Variants in GRIA4 observed in about 807,000 individuals in gnomAD.
GRIA4 encodes glutamate ionotropic receptor AMPA type subunit 4, also known as glutamate receptor 4.
Under a neutral mutation model 104.0 loss-of-function variants are expected in GRIA4, and 34 were observed. The observed-to-expected ratio is 0.33, with a 90% confidence interval of 0.25 to 0.44. The LOEUF (loss-of-function observed/expected upper bound fraction) is 0.44. GRIA4 is among the 20% of genes least tolerant of loss of function. GRIA4 has a pLI of 1.00. For synonymous variants in GRIA4, 386 were observed against 381.9 expected (o/e 1.01, Z -0.13); for missense variants, 750 against 1,096.5 (o/e 0.68, Z 4.46).
intron 3 of GRIA4, among the ~76,000 whole-genome samples, chr11:105,730,821 C>A (rs1938537744): frequency 6.6e-6 from 1 of 152,138 alleles, no homozygotes; most frequent in South Asian, 2.1e-4. Context: ...AACTGGCTAG[C>A]CATGTGCAGA....
At chr11:105,953,584 T>C (rs1468918465) in intron 14 of GRIA4, among the ~76,000 whole-genome samples, 2 of 152,086 alleles carry the variant, frequency 1.3e-5, no homozygotes, top group African/African-American at 4.8e-5. Flanking sequence ...TATTTTCTTA[T>C]TAGCATGGTT....
intron 3 of GRIA4, among the ~76,000 whole-genome samples, chr11:105,620,148 G>C (rs1950704170): frequency 6.6e-6 from 1 of 151,826 alleles, no homozygotes; most frequent in Non-Finnish European, 1.5e-5. Flanking sequence ...TTACAAATTA[G>C]TAAATCCAAT....
intron 3 of GRIA4, among the ~76,000 whole-genome samples, chr11:105,617,025 C>T (rs188553228): frequency 6.6e-6 from 1 of 150,810 alleles, no homozygotes; most frequent in East Asian, 1.9e-4. Context: ...TTTCATAAAG[C>T]TGTCAAAAAA....
chr11:105,894,650 G>A (rs576407201), intron 6 of GRIA4, among the ~76,000 whole-genome samples: 1 of 152,206 alleles, frequency 6.6e-6, no homozygotes, highest in East Asian at 1.9e-4. Flanking sequence ...GAAAAAGGAG[G>A]AGGAGGAGGA....
At chr11:105,723,746 T>A (rs911397964) in intron 3 of GRIA4, among the ~76,000 whole-genome samples, 1 of 152,088 alleles carries the variant, frequency 6.6e-6, no homozygotes, top group African/African-American at 2.4e-5. Context: ...TAGAAAGTGA[T>A]GAGAACAAGA....
intron 9 of GRIA4, among the ~76,000 whole-genome samples, chr11:105,907,168 G>A (rs1947069194): frequency 6.6e-6 from 1 of 152,144 alleles, no homozygotes; most frequent in South Asian, 2.1e-4. Flanking sequence ...ATAGCCTATT[G>A]AACCATGATG....
intron 4 of GRIA4, among the ~76,000 whole-genome samples, chr11:105,844,624 T>C (rs1258790091): frequency 1.3e-5 from 2 of 152,242 alleles, no homozygotes; most frequent in Non-Finnish European, 2.9e-5. Flanking sequence ...AGGACTTATG[T>C]CACTGGGAAA....
intron 3 of GRIA4, among the ~76,000 whole-genome samples, chr11:105,683,230 A>G (rs1952766476): frequency 1.3e-5 from 2 of 152,098 alleles, no homozygotes; most frequent in African/African-American, 2.4e-5. Flanking sequence ...TTAAATTTAT[A>G]TAGCACTTTA....
chr11:105,622,517 C>T (rs1199852627), intron 3 of GRIA4, among the ~76,000 whole-genome samples: 1 of 151,712 alleles, frequency 6.6e-6, no homozygotes, highest in African/African-American at 2.4e-5. Context: ...CACTTATTTA[C>T]CCCTTTCTGA....
At chr11:105,812,486 C>T (rs1943215766) in intron 4 of GRIA4, among the ~76,000 whole-genome samples, 1 of 152,106 alleles carries the variant, frequency 6.6e-6, no homozygotes, top group South Asian at 2.1e-4. Flanking sequence ...CCATCTTTGT[C>T]TTTTTAGGAA....
chr11:105,613,741 T>G (rs1029904462), intron 3 of GRIA4: 4 of 152,136 alleles, frequency 2.6e-5, no homozygotes, highest in African/African-American at 9.6e-5. Flanking sequence ...TTTTTAGAAC[T>G]TAGTTTCATG....
At chr11:105,827,666 A>G (rs887460821) in intron 4 of GRIA4, among the ~76,000 whole-genome samples, 1 of 152,054 alleles carries the variant, frequency 6.6e-6, no homozygotes, top group Admixed American at 6.6e-5. Flanking sequence ...CTGCAGAGCT[A>G]GAGAAGAAAT....
chr11:105,759,209 T>A (rs1940479291), intron 4 of GRIA4, among the ~76,000 whole-genome samples: 1 of 152,274 alleles, frequency 6.6e-6, no homozygotes, highest in South Asian at 2.1e-4. Flanking sequence ...AATTCATCCT[T>A]AAACTCTAAT....
chr11:105,914,986 G>T (rs185273055), intron 10 of GRIA4, among the ~76,000 whole-genome samples: 42 of 152,236 alleles, frequency 2.8e-4, no homozygotes, highest in Non-Finnish European at 3.4e-4. Context: ...TGTTTGAAGA[G>T]CTACTTGCAG....
At chr11:105,698,211 A>G (rs1370409066) in intron 3 of GRIA4, among the ~76,000 whole-genome samples, 2 of 152,202 alleles carry the variant, frequency 1.3e-5, no homozygotes, top group Admixed American at 6.5e-5. Flanking sequence ...ACCATAACAT[A>G]TATATTAATT....
intron 3 of GRIA4, among the ~76,000 whole-genome samples, chr11:105,682,915 A>G (rs561133696): frequency 1.9e-3 from 284 of 152,240 alleles, no homozygotes; most frequent in Non-Finnish European, 2.0e-3. Flanking sequence ...ACCTTCTCCC[A>G]TCGTGTAAAA....
intron 3 of GRIA4, among the ~76,000 whole-genome samples, chr11:105,647,205 A>G (rs1211245999): frequency 4.6e-5 from 7 of 152,208 alleles, no homozygotes; most frequent in Admixed American, 3.3e-4. Flanking sequence ...GCTCAGTACC[A>G]CTAGTCATTA....
At chr11:105,943,616 C>T (rs1948235057) in intron 14 of GRIA4, among the ~76,000 whole-genome samples, 1 of 152,042 alleles carries the variant, frequency 6.6e-6, no homozygotes, top group Non-Finnish European at 1.5e-5. Context: ...ATAGCATTCA[C>T]TTTACGCCCT....
intron 13 of GRIA4, among the ~76,000 whole-genome samples, chr11:105,933,136 G>A (rs916236164): frequency 1.3e-5 from 2 of 151,952 alleles, no homozygotes; most frequent in Admixed American, 6.6e-5. Context: ...AAGCTATGCA[G>A]GAGGCTGAGG....
Sources: allele counts gnomAD v4.1 joint callset (sites outside exome capture counted in the v4.1 genomes callset), GRCh38; gene constraint gnomAD v4.1.1; transcripts MANE v1.5; gene names NCBI Gene and HGNC (gene_info 2026-07-23, HGNC 2026-07-21).